ELMO1: variants seen among roughly 807,000 people sequenced by gnomAD.
ELMO1 encodes engulfment and cell motility protein 1.
A neutral mutation model predicts 98.9 loss-of-function variants in ELMO1; 26 were observed. The ratio of observed to expected loss-of-function variants is 0.26; its 90% CI spans 0.19 to 0.36. The LOEUF (loss-of-function observed/expected upper bound fraction) is 0.36, where lower values mean the gene tolerates loss of function less well. Among genes scored for constraint, ELMO1 ranks in the 10% least tolerant of loss-of-function variants. The pLI is 1.00. For synonymous variants in ELMO1, 346 were observed against 346.0 expected, an observed-to-expected ratio of 1.00 and a Z score of 0.00; for missense variants, 627 against 935.2, an observed-to-expected ratio of 0.67 and a Z score of 4.30.
At chr7:37,345,763 G>A (rs1800972954) in intron 1 of ELMO1, among the ~76,000 whole-genome samples, 1 of 151,876 alleles carries the variant, frequency 6.6e-6, no homozygotes, top group African/African-American at 2.4e-5. Context: ...GCCGAGGCAG[G>A]CAGATCACAA....
intron 20 of ELMO1, chr7:36,862,009 G>A: frequency 2.4e-6 from 1 of 421,190 alleles, no homozygotes; most frequent in Admixed American, 3.5e-5. Context: ...GGCTTAGAGA[G>A]GCTCAATGAG....
chr7:37,145,115 C>T (rs1787897950), intron 13 of ELMO1, among the ~76,000 whole-genome samples: 1 of 152,168 alleles, frequency 6.6e-6, no homozygotes, highest in South Asian at 2.1e-4. Flanking sequence ...TGATTGCTGG[C>T]CCCACCCCAA....
intron 18 of ELMO1, among the ~76,000 whole-genome samples, chr7:36,878,838 G>A (rs1422974960): frequency 1.3e-5 from 2 of 152,184 alleles, no homozygotes; most frequent in African/African-American, 2.4e-5. Flanking sequence ...TCAAAAGTGA[G>A]AAGAAATTTT....
intron 1 of ELMO1, among the ~76,000 whole-genome samples, chr7:37,433,139 A>G (rs1015505074): frequency 6.6e-6 from 1 of 152,204 alleles, no homozygotes; most frequent in Non-Finnish European, 1.5e-5. Flanking sequence ...CGAGAGTTAC[A>G]TGCCAGGCAT....
chr7:37,203,611 T>C (rs1038371263), intron 13 of ELMO1, among the ~76,000 whole-genome samples: 6 of 152,088 alleles, frequency 3.9e-5, no homozygotes, highest in African/African-American at 1.4e-4. Context: ...ATACTAGAAA[T>C]AATTCTTATA....
chr7:36,939,734 G>A (rs1044164353), intron 16 of ELMO1, among the ~76,000 whole-genome samples: 5 of 152,206 alleles, frequency 3.3e-5, no homozygotes, highest in Non-Finnish European at 2.9e-5. Context: ...AAGCCAGGCC[G>A]ACAAGGAGAG....
chr7:36,962,913 T>C (rs1789082050), intron 16 of ELMO1, among the ~76,000 whole-genome samples: 2 of 151,948 alleles, frequency 1.3e-5, no homozygotes, highest in African/African-American at 4.8e-5. Context: ...GGAAAAGTAT[T>C]ACGGAAAATT....
At position 37,192,060 on chromosome 7, in the gene ELMO1, T is replaced by C. The variant is rs182885319; in HGVS notation, c.1086+19326A>G. ...AGAGTTCACAGAAGAAGAAGAAAGA[T>C]GCTAACAGTAGCAGTGTTTGCCTGT... is the stretch of plus-strand genomic sequence containing the variant. On this transcript the variant is annotated intron_variant, in intron 13 of 21. Coordinates refer to ENST00000310758, the MANE Select transcript of ELMO1 (RefSeq NM_014800.11). Among the ~76,000 whole-genome samples, 7 of 152,356 alleles carry C rather than the reference T, an allele frequency of 4.6e-5. No individual in the cohort carries two copies. The East Asian group carries it at 1.2e-3, about 25-fold the overall frequency.
intron 1 of ELMO1, among the ~76,000 whole-genome samples, chr7:37,427,529 T>C (rs1264167073): frequency 6.6e-6 from 1 of 152,196 alleles, no homozygotes; most frequent in Admixed American, 6.5e-5. Context: ...TGAAAACCTA[T>C]AAAAATATTT....
In ELMO1 at chr7:37,160,332, G is replaced by A. The variant is rs2129328391; in HGVS notation, c.1087-27098C>T. Among the ~76,000 whole-genome samples the A allele has an allele frequency of 2.0e-5, 3 of 152,220 alleles. 1 individual carries two copies. Among genetic ancestry groups the A allele is most frequent in the Admixed American group, 2.0e-4 (3 of 15,296 alleles). ...CTGTTTCTCTAAGAAATATTAATAG[G>A]AACATTTCAATCCTCCACAAATGAA... On this transcript the variant is annotated intron_variant, in intron 13 of 21. Coordinates refer to ENST00000310758, the MANE Select transcript of ELMO1 (RefSeq NM_014800.11).
intron 5 of ELMO1, among the ~76,000 whole-genome samples, chr7:37,263,659 C>T (rs1796093540): frequency 6.6e-6 from 1 of 152,130 alleles, no homozygotes; most frequent in African/African-American, 2.4e-5. Context: ...GACCCCACCA[C>T]ATTGGGGAGT....
chr7:37,115,079 ATC>A (rs1400245419), intron 14 of ELMO1, among the ~76,000 whole-genome samples: 4 of 152,228 alleles, frequency 2.6e-5, no homozygotes, highest in African/African-American at 9.6e-5. Flanking sequence ...AGAGACCTAT[ATC>A]TATTAAAGGA....
At chr7:37,275,064 A>G (rs1796759203) in intron 4 of ELMO1, among the ~76,000 whole-genome samples, 1 of 152,198 alleles carries the variant, frequency 6.6e-6, no homozygotes, top group South Asian at 2.1e-4. Context: ...ATGGAGGAGG[A>G]TGAGAGGACT....
chr7:37,091,002 C>A (rs754604886), intron 15 of ELMO1, among the ~76,000 whole-genome samples: 1 of 152,078 alleles, frequency 6.6e-6, no homozygotes, highest in Non-Finnish European at 1.5e-5. Context: ...TACCTGACAT[C>A]GGAATATAAT....
intron 16 of ELMO1, among the ~76,000 whole-genome samples, chr7:36,973,123 T>C (rs1790121496): frequency 6.6e-6 from 1 of 152,212 alleles, no homozygotes; most frequent in Non-Finnish European, 1.5e-5. Context: ...TATTTCAAAC[T>C]ATAACATGCA....
At chr7:37,290,945 A>G (rs1410175402) in intron 4 of ELMO1, among the ~76,000 whole-genome samples, 1 of 152,158 alleles carries the variant, frequency 6.6e-6, no homozygotes, top group East Asian at 1.9e-4. Flanking sequence ...AAGAGAAGAG[A>G]AAGAGGAAGA....
At chr7:37,283,633 G>A (rs1182532671) in intron 4 of ELMO1, among the ~76,000 whole-genome samples, 4 of 152,218 alleles carry the variant, frequency 2.6e-5, no homozygotes, top group Non-Finnish European at 1.5e-5. Context: ...AGACAGTGGG[G>A]CAGCCCCAGC....
At chr7:37,381,921 C>G (rs971761693) in intron 1 of ELMO1, among the ~76,000 whole-genome samples, 1 of 152,038 alleles carries the variant, frequency 6.6e-6, no homozygotes, top group African/African-American at 2.4e-5. Context: ...AAATTATATA[C>G]TTTCAAGTTG....
intron 14 of ELMO1, among the ~76,000 whole-genome samples, chr7:37,123,636 C>A (rs1786265111): frequency 6.6e-6 from 1 of 152,136 alleles, no homozygotes; most frequent in African/African-American, 2.4e-5. Context: ...GAAATTGAGG[C>A]AATAATTAAT....
Sources: gnomAD v4.1 joint callset for allele counts (sites outside exome capture counted in the v4.1 genomes callset) on GRCh38, gnomAD v4.1.1 for gene constraint, MANE v1.5 for transcripts, NCBI Gene and HGNC (gene_info 2026-07-23, HGNC 2026-07-21) for gene names.